SPTLC1: variants seen among roughly 807,000 people sequenced by gnomAD.
The protein encoded by SPTLC1 is serine palmitoyltransferase 1.
SPTLC1 carries 55 observed loss-of-function variants against 68.9 expected under a neutral mutation model. The ratio of observed to expected loss-of-function variants is 0.80; its 90% CI spans 0.64 to 1.00. The LOEUF is 1.00. Among genes scored for constraint, SPTLC1 ranks in the 50% least tolerant of loss-of-function variants. The pLI is 0.00. For missense variants in SPTLC1, 449 were observed against 573.1 expected (o/e 0.78, Z 2.21); for synonymous variants, 197 against 201.6 (o/e 0.98, Z 0.19).
intron 12 of SPTLC1, among the ~76,000 whole-genome samples, chr9:92,041,663 G>A (rs573922240): frequency 6.6e-5 from 10 of 152,236 alleles, no homozygotes; most frequent in East Asian, 5.8e-4. Flanking sequence ...CCTATGTTAC[G>A]TAAAGTTGGT....
intron 3 of SPTLC1, among the ~76,000 whole-genome samples, chr9:92,101,210 T>TA (rs933443389): frequency 2.2e-4 from 33 of 149,932 alleles, no homozygotes; most frequent in Middle Eastern, 3.4e-3. Context: ...AATCGAATAA[T>TA]AAAAAAAAAC....
At chr9:92,054,590 C>G (rs79863592) in intron 8 of SPTLC1, among the ~76,000 whole-genome samples, 1 of 152,036 alleles carries the variant, frequency 6.6e-6, no homozygotes, top group Non-Finnish European at 1.5e-5. Context: ...GTATTTTATA[C>G]GTTGATTTCA....
chr9:92,084,378 C>G (rs191172680), intron 3 of SPTLC1, among the ~76,000 whole-genome samples: 1 of 152,052 alleles, frequency 6.6e-6, no homozygotes, highest in Admixed American at 6.5e-5. Context: ...GGCTGTGGGT[C>G]TGTCATAGAT....
intron 3 of SPTLC1, among the ~76,000 whole-genome samples, chr9:92,098,651 T>C (rs1282322053): frequency 6.6e-6 from 1 of 151,386 alleles, no homozygotes; most frequent in African/African-American, 2.4e-5. Flanking sequence ...GATAAAACAA[T>C]CAGTACAGTG....
chr9:92,045,542 A>C (rs997248809), intron 12 of SPTLC1, among the ~76,000 whole-genome samples: 38 of 148,520 alleles, frequency 2.6e-4, no homozygotes, highest in African/African-American at 7.3e-4. Flanking sequence ...AAAAAAAAAA[A>C]AAAAAAAAAA....
intron 5 of SPTLC1, chr9:92,076,970 C>G (rs563069721): frequency 6.6e-6 from 1 of 152,330 alleles, no homozygotes; most frequent in East Asian, 1.9e-4. Flanking sequence ...AGCCAAATCA[C>G]TCAAGCAGTT....
chr9:92,034,819 G>A lies in SPTLC1; in HGVS notation c.1319C>T (p.Pro440Leu). The A allele has an allele frequency of 6.2e-7, 1 of 1,613,852 alleles. No homozygotes were observed. The highest frequency in any genetic ancestry group is 8.5e-7 in the Non-Finnish European group (1 of 1,179,778). Residue 440 changes from proline to leucine, a missense_variant, in exon 14 of 15, where the codon CCT (proline) becomes CTT (leucine). By Grantham distance (98) the Pro-to-Leu change is moderately conservative. Coordinates refer to ENST00000262554, the MANE Select transcript of SPTLC1 (RefSeq NM_006415.4). ...RYLEKEEKCL[P>L]PPSIRVVVTV... Reference sequence around the variant, plus strand: ...TTTAACGTCAACTGACCTGGGAGGAGGGAGACACTTCTCTTCTTTCTCCAA... The same window carrying A: ...TTTAACGTCAACTGACCTGGGAGGAAGGAGACACTTCTCTTCTTTCTCCAA...
chr9:92,091,352 T>C (rs1278187518), intron 3 of SPTLC1, among the ~76,000 whole-genome samples: 2 of 152,158 alleles, frequency 1.3e-5, no homozygotes, highest in African/African-American at 4.8e-5. Context: ...GATAGCAACA[T>C]ACACAGATTC....
intron 1 of SPTLC1, 43 bp downstream of exon 1, chr9:92,115,271 G>C: frequency 6.2e-7 from 1 of 1,604,738 alleles, no homozygotes; most frequent in South Asian, 1.1e-5. Context: ...CACCCTCCCC[G>C]GGCCCGGGTG....
chr9:92,036,069 G>C (rs912502140), intron 13 of SPTLC1, among the ~76,000 whole-genome samples: 1 of 152,244 alleles, frequency 6.6e-6, no homozygotes, highest in Non-Finnish European at 1.5e-5. Context: ...AAGATGAGGG[G>C]AGTGGAACAA....
chr9:92,105,466 A>G, intron 3 of SPTLC1: 1 of 1,083,970 alleles, frequency 9.2e-7, no homozygotes, highest in East Asian at 2.6e-5. Flanking sequence ...GCACTTTGGG[A>G]GGCCCAGGCG....
intron 5 of SPTLC1, among the ~76,000 whole-genome samples, chr9:92,072,589 C>T (rs1246848350): frequency 6.6e-6 from 1 of 152,102 alleles, no homozygotes; most frequent in Admixed American, 6.5e-5. Context: ...CTCCATCTTC[C>T]CCACTGGCTT....
intron 7 of SPTLC1, 80 bp downstream of exon 7, chr9:92,059,099 G>A (rs1833997161): frequency 4.5e-6 from 7 of 1,539,532 alleles, no homozygotes; most frequent in Non-Finnish European, 6.2e-6. Flanking sequence ...AAGTTTTCAT[G>A]ACAAATTACC....
chr9:92,038,148 C>T, intron 13 of SPTLC1, 100 bp downstream of exon 13: 1 of 844,772 alleles, frequency 1.2e-6, no homozygotes, highest in East Asian at 2.4e-5. Flanking sequence ...TCTTCTCTCT[C>T]AGGGCAAAGA....
intron 5 of SPTLC1, among the ~76,000 whole-genome samples, chr9:92,071,688 G>A (rs529300640): frequency 4.6e-5 from 7 of 152,142 alleles, no homozygotes; most frequent in Admixed American, 1.3e-4. Context: ...ACCAAGCTGC[G>A]CCATGGTCAA....
chr9:92,099,693 G>A (rs1221136942), intron 3 of SPTLC1, among the ~76,000 whole-genome samples: 1 of 151,936 alleles, frequency 6.6e-6, no homozygotes, highest in African/African-American at 2.4e-5. Flanking sequence ...TGTTGCCCAG[G>A]CTGGTCTCAA....
At chr9:92,055,199 C>A in intron 8 of SPTLC1, 4 of 984,844 alleles carry the variant, frequency 4.1e-6, no homozygotes, top group Non-Finnish European at 4.8e-6. Flanking sequence ...GCACTCCAGC[C>A]TGGGCAACAG....
intron 5 of SPTLC1, among the ~76,000 whole-genome samples, chr9:92,074,144 G>T (rs1834593614): frequency 6.6e-6 from 1 of 152,220 alleles, no homozygotes; most frequent in South Asian, 2.1e-4. Context: ...CAAGCTTCGG[G>T]TAACTCTTAC....
intron 3 of SPTLC1, among the ~76,000 whole-genome samples, chr9:92,083,121 T>C (rs1024605831): frequency 6.6e-6 from 1 of 151,546 alleles, no homozygotes; most frequent in African/African-American, 2.4e-5. Flanking sequence ...TTTGAGTTCA[T>C]TGTAGATTCT....
Sources: gnomAD v4.1 joint callset for allele counts (sites outside exome capture counted in the v4.1 genomes callset) on GRCh38, gnomAD v4.1.1 for gene constraint, MANE v1.5 for transcripts, NCBI Gene and HGNC (gene_info 2026-07-23, HGNC 2026-07-21) for gene names.